ARID2: variants seen among roughly 807,000 people sequenced by gnomAD.
ARID2 encodes AT-rich interactive domain-containing protein 2.
ARID2 carries 32 observed loss-of-function variants against 184.6 expected under a neutral mutation model. The ratio of observed to expected loss-of-function variants is 0.17; its 90% CI spans 0.13 to 0.23. ARID2 has a LOEUF of 0.23. ARID2 is among the 10% of genes least tolerant of loss of function. The pLI, the probability that ARID2 is intolerant of heterozygous loss-of-function variation, is 1.00. For synonymous variants in ARID2, 836 were observed against 772.6 expected (o/e 1.08, Z -1.36); for missense variants, 1,696 against 2,197.6 (o/e 0.77, Z 4.56).
At chr12:45,837,776 A>G (rs2138133405) in intron 10 of ARID2, 69 bp downstream of exon 10, 1 of 1,386,864 alleles carries the variant, frequency 7.2e-7, no homozygotes. Context: ...ACTGTACAAA[A>G]CCCTCAATTT....
chr12:45,834,912 A>C (rs921577176), intron 6 of ARID2, among the ~76,000 whole-genome samples: 1 of 151,720 alleles, frequency 6.6e-6, no homozygotes, highest in African/African-American at 2.4e-5. Context: ...AACATTTTTC[A>C]GTTATTTTAG....
chr12:45,853,778 G>C (rs1443586751), intron 15 of ARID2, among the ~76,000 whole-genome samples: 1 of 152,182 alleles, frequency 6.6e-6, no homozygotes, highest in Admixed American at 6.5e-5. Flanking sequence ...CTTCTGTATG[G>C]TTACGGTGAT....
chr12:45,738,431 C>T lies in ARID2; in HGVS notation c.284+7117C>T, dbSNP rs147019559. 1.4e-3 allele frequency among the ~76,000 whole-genome samples: 213 copies of T among 152,266 alleles called. 1 individual carries two copies. Among genetic ancestry groups the T allele is most frequent in the African/African-American group, 4.9e-3 (205 of 41,554 alleles). On this transcript the variant is annotated intron_variant, in intron 3 of 20. Transcript: ENST00000334344. ...CTGGGTTCCAGTGATTCTCCTGCCT[C>T]AGTCTCCCAGGTAGCTGGAATTACA...
intron 3 of ARID2, among the ~76,000 whole-genome samples, chr12:45,783,865 C>G (rs560383580): frequency 4.4e-5 from 6 of 136,464 alleles, no homozygotes; most frequent in African/African-American, 1.3e-4. Context: ...TAAACAAAGA[C>G]GAGAAAATTA....
At chr12:45,898,670 C>T (rs1353516165) in intron 20 of ARID2, among the ~76,000 whole-genome samples, 1 of 152,152 alleles carries the variant, frequency 6.6e-6, no homozygotes, top group African/African-American at 2.4e-5. Flanking sequence ...AATCCCGGCA[C>T]TTTGGGAGGC....
intron 3 of ARID2, among the ~76,000 whole-genome samples, chr12:45,783,791 T>C (rs1264204695): frequency 6.6e-6 from 1 of 152,192 alleles, no homozygotes; most frequent in South Asian, 2.1e-4. Context: ...TTGTGAACCA[T>C]TGGCTAAATA....
intron 3 of ARID2, among the ~76,000 whole-genome samples, chr12:45,733,077 T>A (rs1941033335): frequency 6.6e-6 from 1 of 152,226 alleles, no homozygotes; most frequent in African/African-American, 2.4e-5. Flanking sequence ...TTTTGAACTA[T>A]GTCCTTAGTT....
rs1941486709 is a variant in ARID2 at position 45,752,679 on chromosome 12, C to A, written c.284+21365C>A. On this transcript the variant is annotated intron_variant, in intron 3 of 20. Transcript: ENST00000334344. ...TAGGACTCAGACTCATACCACCACA[C>A]CCAGCTGATTTTTTGTAGAGGCAGG... Among the ~76,000 whole-genome samples, 6 of 152,288 alleles carry A rather than the reference C, an allele frequency of 3.9e-5. No individual in the cohort carries two copies. The South Asian group carries it at 1.2e-3, about 32-fold the overall frequency.
At chr12:45,866,155 C>CTA (rs933955400) in intron 16 of ARID2, among the ~76,000 whole-genome samples, 2 of 151,482 alleles carry the variant, frequency 1.3e-5, no homozygotes, top group Admixed American at 6.6e-5. Flanking sequence ...ATTAATATGA[C>CTA]TATATATATA....
chr12:45,858,848 A>G (rs1171531522), intron 15 of ARID2, among the ~76,000 whole-genome samples: 1 of 152,174 alleles, frequency 6.6e-6, no homozygotes, highest in Non-Finnish European at 1.5e-5. Flanking sequence ...TTTTTGGTGC[A>G]TGTGTATGTT....
intron 3 of ARID2, among the ~76,000 whole-genome samples, chr12:45,756,401 T>G (rs141107028): frequency 7.9e-5 from 12 of 152,338 alleles, no homozygotes; most frequent in African/African-American, 2.6e-4. Flanking sequence ...ATTTTAACAT[T>G]AAGCTGATTT....
chr12:45,819,877 A>G (rs966372594), intron 5 of ARID2, among the ~76,000 whole-genome samples: 7 of 151,726 alleles, frequency 4.6e-5, no homozygotes, highest in Admixed American at 6.6e-5. Context: ...CCAAGTAGCT[A>G]GGACTACGAG....
chr12:45,780,694 C>G (rs2138037871), intron 3 of ARID2, among the ~76,000 whole-genome samples: 1 of 152,228 alleles, frequency 6.6e-6, no homozygotes, highest in South Asian at 2.1e-4. Context: ...TCTCGGCTCA[C>G]TGCAACCTCT....
chr12:45,811,195 C>T (rs1168339341), intron 3 of ARID2, among the ~76,000 whole-genome samples: 32 of 147,472 alleles, frequency 2.2e-4, no homozygotes, highest in African/African-American at 3.5e-4. Flanking sequence ...GGCGACAGAG[C>T]GAGACTCTGT....
At position 45,873,235 on chromosome 12, in the gene ARID2, C is replaced by A. The variant is rs527714498; in HGVS notation, c.4922+12286C>A. Reference sequence around the variant, plus strand: ...ATTAGTGTTAATATAGTTTATCTTTCTCCATCCCTTTACTTTTAATCTGTG... The same window carrying A: ...ATTAGTGTTAATATAGTTTATCTTTATCCATCCCTTTACTTTTAATCTGTG... On this transcript the variant is annotated intron_variant, in intron 16 of 20. Coordinates refer to ENST00000334344, the MANE Select transcript of ARID2 (RefSeq NM_152641.4). Among the ~76,000 whole-genome samples, 30 of 152,250 alleles carry A rather than the reference C, an allele frequency of 2.0e-4. No individual in the cohort carries two copies. The South Asian group carries it at 4.8e-3, about 24-fold the overall frequency.
At chr12:45,840,728 C>A (rs924448284) in intron 11 of ARID2, 57 of 152,122 alleles carry the variant, frequency 3.7e-4, no homozygotes, top group African/African-American at 1.2e-3. Flanking sequence ...TCTGTTCTCA[C>A]GTTCATTCAT....
chr12:45,907,659 A>G lies in ARID2; in HGVS notation c.*2581A>G. The G allele has an allele frequency of 4.3e-6, 1 of 233,202 alleles. No individual in the cohort carries two copies. Among genetic ancestry groups the G allele is most frequent in the Non-Finnish European group, 8.5e-6 (1 of 117,792 alleles). 14.4% of individuals were successfully genotyped at this position (233,202 alleles called of 1,614,324 possible). On this transcript the variant is annotated 3_prime_UTR_variant, in exon 21 of 21. Coordinates refer to ENST00000334344, the MANE Select transcript of ARID2 (RefSeq NM_152641.4). ...TAAGTTCTGCAAAACCCTCTCATTC[A>G]TGAAAAGGTGCTCCTTGCTAGACAG...
rs1357292597 is a variant in ARID2, at chr12:45,850,752, A to T, written c.2629A>T (p.Met877Leu). Residue 877 changes from methionine (M) to leucine (L), a missense_variant, in exon 15 of 21, where the codon ATG (methionine) becomes TTG (leucine). This residue lies in a region of ARID2 where 713 missense variants were observed against 824.4 expected (regional missense o/e 0.86). Transcript: ENST00000334344. Reference sequence around the variant, plus strand: ...GAATTTTCAGGTAGCTACAGGACAAATGGTTACTATTGCTGGTGTCCCAAG... The same window carrying T: ...GAATTTTCAGGTAGCTACAGGACAATTGGTTACTATTGCTGGTGTCCCAAG... The part of the protein sequence containing the change: ...VQNFQVATGQ[M>L]VTIAGVPSPQ... The T allele has an allele frequency of 1.2e-6, 2 of 1,613,974 alleles. No homozygotes were observed. The highest frequency in any genetic ancestry group is 1.7e-6 in the Non-Finnish European group (2 of 1,180,004).
intron 3 of ARID2, among the ~76,000 whole-genome samples, chr12:45,774,509 A>G (rs1469204): frequency 0.99 from 150,913 of 152,268 alleles, 74,788 homozygotes; most frequent in East Asian, 1. Flanking sequence ...TTTCCCCTTT[A>G]TGTGTATGTA....
Sources: gnomAD v4.1 joint callset for allele counts (sites outside exome capture counted in the v4.1 genomes callset) on GRCh38, gnomAD v4.1.1 for gene constraint, gnomAD v4.1.1 regional missense constraint, MANE v1.5 for transcripts, NCBI Gene and HGNC (gene_info 2026-07-23, HGNC 2026-07-21) for gene names.